BTF3L4: variants seen among roughly 807,000 people sequenced by gnomAD.
BTF3L4 encodes transcription factor BTF3 homolog 4.
Under a neutral mutation model 16.8 loss-of-function variants are expected in BTF3L4, and 6 were observed. The observed-to-expected ratio is 0.36, with a 90% confidence interval of 0.20 to 0.71. BTF3L4 has a LOEUF of 0.71. BTF3L4 is among the 30% of genes least tolerant of loss of function. The pLI is 0.58. For missense variants in BTF3L4, 92 were observed against 186.9 expected, an observed-to-expected ratio of 0.49 and a Z score of 2.96; for synonymous variants, 39 against 59.8, an observed-to-expected ratio of 0.65 and a Z score of 1.60.
chr1:52,065,069 G>A, intron 3 of BTF3L4, 131 bp downstream of exon 3: 1 of 422,284 alleles, frequency 2.4e-6, no homozygotes, highest in Non-Finnish European at 4.3e-6. Context: ...AAGGACTGTG[G>A]CACTTTGATT....
intron 3 of BTF3L4, among the ~76,000 whole-genome samples, chr1:52,077,222 T>G (rs981190546): frequency 5.3e-5 from 8 of 152,248 alleles, no homozygotes; most frequent in African/African-American, 1.9e-4. Context: ...GGTAAACATT[T>G]AAGTGCCATT....
chr1:52,084,387 C>T (rs1026851009), intron 4 of BTF3L4, among the ~76,000 whole-genome samples: 1 of 152,136 alleles, frequency 6.6e-6, no homozygotes, highest in Non-Finnish European at 1.5e-5. Flanking sequence ...AAGTGATCCA[C>T]CTACCTACCG....
intron 1 of BTF3L4, among the ~76,000 whole-genome samples, chr1:52,059,441 A>G (rs888980233): frequency 2.0e-5 from 3 of 152,224 alleles, no homozygotes; most frequent in African/African-American, 7.2e-5. Context: ...GATTTTGCTA[A>G]TAACATTTGG....
chr1:52,073,758 G>A (rs1396157879), intron 3 of BTF3L4, among the ~76,000 whole-genome samples: 1 of 149,402 alleles, frequency 6.7e-6, no homozygotes, highest in East Asian at 2.0e-4. Context: ...CCAGTACTTT[G>A]CGAGGCCAAG....
chr1:52,081,918 A>G (rs759690168), intron 3 of BTF3L4, among the ~76,000 whole-genome samples: 4 of 152,202 alleles, frequency 2.6e-5, no homozygotes, highest in South Asian at 4.1e-4. Flanking sequence ...GGTGCTATCA[A>G]TGGTGGTAAT....
intron 3 of BTF3L4, among the ~76,000 whole-genome samples, chr1:52,073,313 A>G (rs922769195): frequency 1.3e-5 from 2 of 152,112 alleles, no homozygotes; most frequent in Non-Finnish European, 2.9e-5. Flanking sequence ...GTATATCTAT[A>G]TAGATAATAG....
At chr1:52,074,386 G>T (rs1318567704) in intron 3 of BTF3L4, among the ~76,000 whole-genome samples, 6 of 149,910 alleles carry the variant, frequency 4.0e-5, no homozygotes, top group Non-Finnish European at 7.4e-5. Context: ...TTTTTTGGAG[G>T]CAGTTTCACT....
At chr1:52,074,574 C>G (rs974533192) in intron 3 of BTF3L4, among the ~76,000 whole-genome samples, 3 of 152,094 alleles carry the variant, frequency 2.0e-5, no homozygotes, top group African/African-American at 7.2e-5. Context: ...GTTGGTCAGG[C>G]TGGTCTTGAA....
At chr1:52,059,955 T>C (rs575235266) in intron 2 of BTF3L4, 54 bp downstream of exon 2, 1 of 1,503,982 alleles carries the variant, frequency 6.6e-7, no homozygotes, top group East Asian at 2.3e-5. Flanking sequence ...CCAGATAGTG[T>C]TATTATTTCG....
chr1:52,066,795 G>A (rs1686662857), intron 3 of BTF3L4, among the ~76,000 whole-genome samples: 1 of 151,142 alleles, frequency 6.6e-6, no homozygotes, highest in Admixed American at 6.6e-5. Context: ...GCAGTGAGCC[G>A]AGACCACGCC....
chr1:52,086,545 A>G (rs1643974284), intron 5 of BTF3L4, 167 bp from the exon 6 acceptor site: 1 of 533,606 alleles, frequency 1.9e-6, no homozygotes, highest in Admixed American at 3.8e-5. Context: ...AAATAATTAA[A>G]TCATTGTTAG....
intron 3 of BTF3L4, among the ~76,000 whole-genome samples, chr1:52,080,795 G>C (rs914010773): frequency 1.3e-5 from 2 of 149,920 alleles, no homozygotes; most frequent in African/African-American, 4.9e-5. Context: ...CGGCCTCCCA[G>C]AGTGCTGGGA....
At chr1:52,086,492 A>T in intron 5 of BTF3L4, 1 of 486,748 alleles carries the variant, frequency 2.1e-6, no homozygotes, top group South Asian at 3.9e-5. Context: ...AGTAATTTGC[A>T]TAGACAAAAG....
intron 3 of BTF3L4, among the ~76,000 whole-genome samples, chr1:52,070,867 C>T (rs979588310): frequency 6.6e-6 from 1 of 152,030 alleles, no homozygotes; most frequent in African/African-American, 2.4e-5. Flanking sequence ...AACTCCTGAC[C>T]TCAGAAGTTC....
intron 3 of BTF3L4, among the ~76,000 whole-genome samples, chr1:52,066,701 C>G (rs1686659587): frequency 6.6e-6 from 1 of 151,188 alleles, no homozygotes; most frequent in African/African-American, 2.4e-5. Context: ...AAAAAATTAG[C>G]CGGGCATGGT....
chr1:52,079,060 T>TA (rs1687001004), intron 3 of BTF3L4, among the ~76,000 whole-genome samples: 1 of 152,214 alleles, frequency 6.6e-6, no homozygotes, highest in Non-Finnish European at 1.5e-5. Flanking sequence ...CTTTATGACT[T>TA]TAACAAGTTC....
chr1:52,061,254 T>C (rs912783879), intron 2 of BTF3L4, among the ~76,000 whole-genome samples: 2 of 151,966 alleles, frequency 1.3e-5, no homozygotes, highest in African/African-American at 4.8e-5. Flanking sequence ...TTCGGGAGGC[T>C]GAGGTGGGTG....
rs1469639190 is a variant in BTF3L4, at chr1:52,066,609, C to G, written c.168+1671C>G. 1.3e-5 allele frequency among the ~76,000 whole-genome samples: 2 copies of G among 150,918 alleles called. 1 individual carries two copies. The highest frequency in any genetic ancestry group is 4.2e-4 in the South Asian group (2 of 4,752). On this transcript the variant is annotated intron_variant, in intron 3 of 5. Coordinates refer to ENST00000313334, the MANE Select transcript of BTF3L4 (RefSeq NM_152265.5). ...CTGTAATCCCAGCACTTTGGGAGGC[C>G]GAGGCGGGTGGATCACGAGGTCAGG...
chr1:52,060,600 G>C, intron 2 of BTF3L4: 2 of 1,132,150 alleles, frequency 1.8e-6, no homozygotes, highest in Non-Finnish European at 1.1e-6. Flanking sequence ...CCATATCTCT[G>C]CCCAACACAA....
Sources: gnomAD v4.1 joint callset for allele counts (sites outside exome capture counted in the v4.1 genomes callset) on GRCh38, gnomAD v4.1.1 for gene constraint, MANE v1.5 for transcripts, NCBI Gene and HGNC (gene_info 2026-07-23, HGNC 2026-07-21) for gene names.